The following NANOGP8 variants were observed in gnomAD, a reference collection of about 807,000 sequenced individuals.
NANOGP8 encodes the protein Nanog homeobox retrogene P8, also known as homeobox protein NANOGP8.
For missense variants in NANOGP8, 220 were observed against 353.4 expected (o/e 0.62, Z 3.03); for synonymous variants, 84 against 125.9 (o/e 0.67, Z 2.23).
At position 35,085,046 on chromosome 15, in the gene NANOGP8, G is replaced by T. The variant is rs2050909655; in HGVS notation, c.65C>A (p.Ser22Tyr). 12 of 1,589,492 alleles carry T rather than the reference G, an allele frequency of 7.5e-6. No individual in the cohort carries two copies. In the Admixed American group the frequency reaches 1.7e-4, roughly 22 times the overall value. The stretch of plus-strand genomic sequence containing the variant: ...CCCACAAATCACAGGCATAGGTGAA[G>T]ATTCTTTACAGTCGGATTCTTCAAA... Reference protein sequence around the residue: ...PCFEESDCKESSPMPVICGPE... With the variant: ...PCFEESDCKEYSPMPVICGPE... Residue 22 changes from serine (S) to tyrosine (Y), a missense_variant, in exon 1 of 1, where the codon TCT becomes TAT. Coordinates refer to ENST00000528386, the MANE Select transcript of NANOGP8 (RefSeq NM_001355281.2).
rs562496082 is a variant in NANOGP8 at position 35,084,498 on chromosome 15, T to A, written c.613A>T (p.Thr205Ser). ...ATGTTCTGGGTCTGGTTGCTCCAGGTTGAATTGTTCCAGGTCTGGTTGCTC... is the reference window on the plus strand; with the variant it reads ...ATGTTCTGGGTCTGGTTGCTCCAGGATGAATTGTTCCAGGTCTGGTTGCTC... ...MWSNQTWNNS[T>S]WSNQTQNIQS... is the part of the protein sequence containing the mutation. The change falls in exon 1 of 1, where the codon ACC (threonine) becomes TCC (serine). Residue 205 changes from threonine (T) to serine (S), a missense_variant. Coordinates refer to ENST00000528386, the MANE Select transcript of NANOGP8 (RefSeq NM_001355281.2). The A allele has an allele frequency of 7.9e-4, 1,269 of 1,610,564 alleles. 29 individuals are homozygous for A. In the South Asian group the frequency reaches 0.013, roughly 17 times the overall value.
chr15:35,084,784 T>C lies in NANOGP8; in HGVS notation c.327A>G (p.Val109=). The C allele has an allele frequency of 4.3e-6, 7 of 1,614,052 alleles. No homozygotes were observed. Among genetic ancestry groups the C allele is most frequent in the Non-Finnish European group, 5.9e-6 (7 of 1,179,900 alleles). ...TCTGTCTCTGAAATCTATCATTGAG[T>C]ACACACAGCTGGGTGGAAGAGAACA... ...RTVFSSTQLC[V]LNDRFQRQKY... Residue 109 remains valine, a synonymous_variant, in exon 1 of 1, where the codon GTA becomes GTG. Coordinates refer to ENST00000528386, the MANE Select transcript of NANOGP8 (RefSeq NM_001355281.2).
Position 35,084,512 on chromosome 15 carries a change from G to A in NANOGP8, c.599C>T (p.Thr200Ile). ...TGNLPMWSNQ[T>I]WNNSTWSNQT... Reference sequence around the variant, plus strand: ...GTTGCTCCAGGTTGAATTGTTCCAGGTCTGGTTGCTCCACATTGGAAGGTT... The same window carrying A: ...GTTGCTCCAGGTTGAATTGTTCCAGATCTGGTTGCTCCACATTGGAAGGTT... The change falls in exon 1 of 1, where the codon ACC becomes ATC. Residue 200 changes from threonine (T) to isoleucine (I), a missense_variant. Thr to Ile is a moderately conservative substitution (Grantham distance 89). Transcript: ENST00000528386. The A allele has an allele frequency of 6.2e-7, 1 of 1,611,730 alleles. No individual in the cohort carries two copies. The highest frequency in any genetic ancestry group is 2.2e-5 in the East Asian group (1 of 44,820).
chr15:35,084,850 C>T lies in NANOGP8; in HGVS notation c.261G>A (p.Lys87=). The T allele has an allele frequency of 6.2e-7, 1 of 1,613,930 alleles. No individual in the cohort carries two copies. Among genetic ancestry groups the T allele is most frequent in the Non-Finnish European group, 8.5e-7 (1 of 1,179,880 alleles). The change falls in exon 1 of 1, where the codon AAG becomes AAA. Residue 87 remains lysine (K), a synonymous_variant. Transcript: ENST00000528386. ...GTTTCTTGACCGGGACCTTGTCTTCCTTTTTTGCGACACTATTCTCTGCAG... is the reference window on the plus strand; with the variant it reads ...GTTTCTTGACCGGGACCTTGTCTTCTTTTTTTGCGACACTATTCTCTGCAG... ...PTSAENSVAK[K]EDKVPVKKQK...
In NANOGP8 at chr15:35,084,944, G is replaced by C. The variant is rs1455034400; in HGVS notation, c.167C>G (p.Ser56Cys). Residue 56 changes from serine to cysteine, a missense_variant, in exon 1 of 1, where the codon TCC (serine) becomes TGC (cysteine). Coordinates refer to ENST00000528386, the MANE Select transcript of NANOGP8 (RefSeq NM_001355281.2). ...PHTETVSPLP[S>C]SMDLLIQDSP... ...GTCCTGAATAAGCAGATCCATGGAG[G>C]AAGGAAGAGGAGAGACAGTCTCTGT... 11 of 1,611,608 alleles carry C rather than the reference G, an allele frequency of 6.8e-6. No homozygotes were observed. The East Asian group carries it at 2.5e-4, about 36-fold the overall frequency.
In NANOGP8 at chr15:35,083,718, G is replaced by A. The variant is rs1040767878; in HGVS notation, c.*475C>T. On this transcript the variant is annotated 3_prime_UTR_variant, in exon 1 of 1. Transcript: ENST00000528386. ...TCCCAGCTGTTAGGGAGGCCGAGGC[G>A]GGCGGATCACAAGGTCAGGAGATCG... Among the ~76,000 whole-genome samples the A allele has an allele frequency of 3.9e-5, 6 of 151,956 alleles. No individual in the cohort carries two copies. Among genetic ancestry groups the A allele is most frequent in the South Asian group, 2.1e-4 (1 of 4,828 alleles).
chr15:35,084,612 G>T lies in NANOGP8; in HGVS notation c.499C>A (p.Gln167Lys). The T allele has an allele frequency of 6.2e-7, 1 of 1,614,000 alleles. No individual in the cohort carries two copies. Among genetic ancestry groups the T allele is most frequent in the Non-Finnish European group, 8.5e-7 (1 of 1,179,878 alleles). Residue 167 changes from glutamine to lysine, a missense_variant, in exon 1 of 1, where the codon CAG becomes AAG. Coordinates refer to ENST00000528386, the MANE Select transcript of NANOGP8 (RefSeq NM_001355281.2). ...NWPKNSNGVTQKASAPTYPSL... is the reference protein window; with the variant it reads ...NWPKNSNGVTKKASAPTYPSL... ...GGGTAGGTAGGTGCTGAGGCCTTCT[G>T]CGTCACACCATTGCTATTCTTCGGC...
Position 35,084,550 on chromosome 15 carries a change from C to T in NANOGP8, c.561G>A (p.Val187=), listed in dbSNP as rs1251069061. ...LYSSYHQGCL[V]NPTGNLPMWS... ...ACATTGGAAGGTTCCCAGTCGGGTT[C>T]ACCAGGCATCCCTGGTGGTAGGAAG... The change falls in exon 1 of 1, where the codon GTG becomes GTA. Residue 187 remains valine (V), a synonymous_variant. Transcript: ENST00000528386. The T allele has an allele frequency of 6.2e-7, 1 of 1,613,394 alleles. No individual in the cohort carries two copies. Among genetic ancestry groups the T allele is most frequent in the African/African-American group, 1.3e-5 (1 of 74,874 alleles).
chr15:35,083,974 T>C lies in NANOGP8; in HGVS notation c.*219A>G, dbSNP rs1467574362. Among the ~76,000 whole-genome samples the C allele has an allele frequency of 2.1e-4, 22 of 105,062 alleles. No individual in the cohort carries two copies. Among genetic ancestry groups the C allele is most frequent in the East Asian group, 3.3e-4 (1 of 2,992 alleles). 68.9% of individuals were successfully genotyped at this position (105,062 alleles called of 152,430 possible). On this transcript the variant is annotated 3_prime_UTR_variant, in exon 1 of 1. Coordinates refer to ENST00000528386, the MANE Select transcript of NANOGP8 (RefSeq NM_001355281.2). ...AAAAAAAAAAAAAAAAAGTATTTTC[T>C]CCAGGAAGATCCAATAGGAAAAAAA...
At position 35,084,278 on chromosome 15, in the gene NANOGP8, T is replaced by C. The variant is rs1430584453; in HGVS notation, c.833A>G (p.Gln278Arg). The change falls in exon 1 of 1, where the codon CAG becomes CGG. Residue 278 changes from glutamine (Q) to arginine (R), a missense_variant. By Grantham distance (43) the Gln-to-Arg change is conservative (BLOSUM62 1). Coordinates refer to ENST00000528386, the MANE Select transcript of NANOGP8 (RefSeq NM_001355281.2). The stretch of plus-strand genomic sequence containing the variant: ...AGTACTAAAATACCTAGTGGTCTGC[T>C]GTATTACATTAAGGCCTTCCCCAGC... ...EAAGEGLNVI[Q>R]QTTRYFSTPQ... 1 of 1,343,910 alleles carries C rather than the reference T, an allele frequency of 7.4e-7. No homozygotes were observed. Among genetic ancestry groups the C allele is most frequent in the Non-Finnish European group, 1.1e-6 (1 of 948,708 alleles). 83.2% of individuals were successfully genotyped at this position (1,343,910 alleles called of 1,614,324 possible).
At position 35,083,742 on chromosome 15, in the gene NANOGP8, C is replaced by T. The variant is rs1163496174; in HGVS notation, c.*451G>A. On this transcript the variant is annotated 3_prime_UTR_variant, in exon 1 of 1. Coordinates refer to ENST00000528386, the MANE Select transcript of NANOGP8 (RefSeq NM_001355281.2). The stretch of plus-strand genomic sequence containing the variant: ...CGGGCGGATCACAAGGTCAGGAGAT[C>T]GAGACCATCCTGGCTAACACAGTGA... Among the ~76,000 whole-genome samples the T allele has an allele frequency of 9.2e-5, 14 of 151,550 alleles. No homozygotes were observed. The highest frequency in any genetic ancestry group is 3.3e-4 in the Admixed American group (5 of 15,214).
rs1284219066 is a variant in NANOGP8 at position 35,084,883 on chromosome 15, T to C, written c.228A>G (p.Gln76=). Residue 76 remains glutamine (Q), a synonymous_variant, in exon 1 of 1, where the codon CAA becomes CAG. Coordinates refer to ENST00000528386, the MANE Select transcript of NANOGP8 (RefSeq NM_001355281.2). The part of the protein sequence containing the change: ...PDSSTSPKGK[Q]PTSAENSVAK... ...CGACACTATTCTCTGCAGAAGTGGGTTGTTTGCCTTTGGGACTGGTGGAAG... is the reference window on the plus strand; with the variant it reads ...CGACACTATTCTCTGCAGAAGTGGGCTGTTTGCCTTTGGGACTGGTGGAAG... 3 of 1,613,656 alleles carry C rather than the reference T, an allele frequency of 1.9e-6. No individual in the cohort carries two copies. Among genetic ancestry groups the C allele is most frequent in the Admixed American group, 1.7e-5 (1 of 60,024 alleles).
Position 35,084,370 on chromosome 15 carries a change from A to G in NANOGP8, c.741T>C (p.Ser247=). ...NSPFYNCGEE[S]LQSCMHFQPN... is the part of the protein sequence containing the mutation. ...GCTGGAAGTGCATGCAGGACTGCAG[A>G]GATTCCTCTCCACAGTTATAGAAGG... is the stretch of plus-strand genomic sequence containing the variant. The change falls in exon 1 of 1, where the codon TCT becomes TCC. Residue 247 remains serine, a synonymous_variant. Transcript: ENST00000528386. The G allele has an allele frequency of 6.2e-7, 1 of 1,610,168 alleles. No individual in the cohort carries two copies. Among genetic ancestry groups the G allele is most frequent in the South Asian group, 1.1e-5 (1 of 90,930 alleles).
Position 35,083,616 on chromosome 15 carries a change from TATCTATAGCCAGAG to T in NANOGP8, c.*563_*576del, listed in dbSNP as rs2050899516. ...TATCCAAACTCGTATTAGATCTACT[TATCTATAGCCAGAG>T]ACGGCAGCCAAGGTTATTAAAATGT... is the stretch of plus-strand genomic sequence containing the variant. On this transcript the variant is annotated 3_prime_UTR_variant, in exon 1 of 1. Coordinates refer to ENST00000528386, the MANE Select transcript of NANOGP8 (RefSeq NM_001355281.2). 1.1e-5 allele frequency among the ~76,000 whole-genome samples: 1 copy of T among 92,718 alleles called. No homozygotes were observed. Among genetic ancestry groups the T allele is most frequent in the Admixed American group, 1.2e-4 (1 of 8,506 alleles). The allele number at this position is 92,718 out of a possible 152,430, so 60.8% of individuals were successfully genotyped here. A position where few individuals can be genotyped will look rare whatever the true frequency, so the allele number is the denominator to read the frequency against.
At position 35,084,799 on chromosome 15, in the gene NANOGP8, G is replaced by A. The variant is rs564406958; in HGVS notation, c.312C>T (p.Ser104=). 8 of 1,614,006 alleles carry A rather than the reference G, an allele frequency of 5.0e-6. No individual in the cohort carries two copies. Among genetic ancestry groups the A allele is most frequent in the Admixed American group, 1.7e-5 (1 of 60,010 alleles). ...KKQKTRTVFS[S]TQLCVLNDRF... is the part of the protein sequence containing the mutation. ...TATCATTGAGTACACACAGCTGGGTGGAAGAGAACACAGTTCTGGTCTTCT... is the reference window on the plus strand; with the variant it reads ...TATCATTGAGTACACACAGCTGGGTAGAAGAGAACACAGTTCTGGTCTTCT... Residue 104 remains serine (S), a synonymous_variant, in exon 1 of 1, where the codon TCC becomes TCT. Coordinates refer to ENST00000528386, the MANE Select transcript of NANOGP8 (RefSeq NM_001355281.2).
chr15:35,084,490 G>A lies in NANOGP8; in HGVS notation c.621C>T (p.Ser207=), dbSNP rs1027850036. ...SNQTWNNSTW[S]NQTQNIQSWS... Reference sequence around the variant, plus strand: ...AGGACTGGATGTTCTGGGTCTGGTTGCTCCAGGTTGAATTGTTCCAGGTCT... The same window carrying A: ...AGGACTGGATGTTCTGGGTCTGGTTACTCCAGGTTGAATTGTTCCAGGTCT... Residue 207 remains serine (S), a synonymous_variant, in exon 1 of 1, where the codon AGC becomes AGT. Coordinates refer to ENST00000528386, the MANE Select transcript of NANOGP8 (RefSeq NM_001355281.2). 64 of 1,610,146 alleles carry A rather than the reference G, an allele frequency of 4.0e-5. No homozygotes were observed. In the Admixed American group the frequency reaches 8.7e-4, roughly 22 times the overall value.
Position 35,085,176 on chromosome 15 carries a change from T to G in NANOGP8, c.-66A>C. On this transcript the variant is annotated 5_prime_UTR_variant, in exon 1 of 1. Coordinates refer to ENST00000528386, the MANE Select transcript of NANOGP8 (RefSeq NM_001355281.2). ...ACTGGAAAAAAGGTTAAGGCAGCTT[T>G]AAGACTTTTCTGGAAGATGTTAGAG... 1 of 885,648 alleles carries G rather than the reference T, an allele frequency of 1.1e-6. No homozygotes were observed. Among genetic ancestry groups the G allele is most frequent in the Non-Finnish European group, 1.8e-6 (1 of 564,716 alleles). 54.9% of individuals were successfully genotyped at this position (885,648 alleles called of 1,614,324 possible).
In NANOGP8 at chr15:35,085,082, C is replaced by G. The variant is rs1313568228; in HGVS notation, c.29G>C (p.Ser10Thr). 6.3e-7 allele frequency: 1 copy of G among 1,575,030 alleles called. No homozygotes were observed. Among genetic ancestry groups the G allele is most frequent in the South Asian group, 1.1e-5 (1 of 90,182 alleles). Residue 10 changes from serine to threonine, a missense_variant, in exon 1 of 1, where the codon AGC becomes ACC. By Grantham distance (58) the Ser-to-Thr change is moderately conservative (BLOSUM62 1). Coordinates refer to ENST00000528386, the MANE Select transcript of NANOGP8 (RefSeq NM_001355281.2). The part of the protein sequence containing the change: MSVDPACPQ[S>T]LPCFEESDCK... ...GTCGGATTCTTCAAAGCAAGGCAAGCTTTGGGGACAAGCTGGATCCACACT... is the reference window on the plus strand; with the variant it reads ...GTCGGATTCTTCAAAGCAAGGCAAGGTTTGGGGACAAGCTGGATCCACACT...
chr15:35,085,236 T>C lies in NANOGP8; in HGVS notation c.-126A>G, dbSNP rs1435076891. The C allele has an allele frequency of 1.1e-5, 7 of 630,986 alleles. No individual in the cohort carries two copies. The African/African-American group carries it at 1.3e-4, about 12-fold the overall frequency. 39.1% of individuals were successfully genotyped at this position (630,986 alleles called of 1,614,324 possible). A position where few individuals can be genotyped will look rare whatever the true frequency, so the allele number is the denominator to read the frequency against. On this transcript the variant is annotated 5_prime_UTR_variant, in exon 1 of 1. Coordinates refer to ENST00000528386, the MANE Select transcript of NANOGP8 (RefSeq NM_001355281.2). ...CTCCAGAAGGAAAAGTATCAAGAAA[T>C]TGGGATAAAGTGAGTTGCCTGCATA...
Sources: allele counts gnomAD v4.1 joint callset (sites outside exome capture counted in the v4.1 genomes callset), GRCh38; gene constraint gnomAD v4.1.1; transcripts MANE v1.5; gene names NCBI Gene and HGNC (gene_info 2026-07-23, HGNC 2026-07-21).